IL21R: variants seen among roughly 807,000 people sequenced by gnomAD.
IL21R encodes interleukin-21 receptor.
In IL21R, 14 loss-of-function variants were observed where a neutral mutation model predicts 41.3. That is an observed-to-expected ratio of 0.34 (90% confidence interval 0.22 to 0.53). IL21R has a LOEUF of 0.53. Ranked by LOEUF, IL21R falls within the 20% of genes least tolerant of loss-of-function variation. The probability of loss-of-function intolerance (pLI) is 0.94; values close to 1 mark genes in which losing one functional copy is unlikely to be tolerated. For missense variants in IL21R, 588 were observed against 681.6 expected, an observed-to-expected ratio of 0.86 and a Z score of 1.53; for synonymous variants, 286 against 287.6, an observed-to-expected ratio of 0.99 and a Z score of 0.05.
chr16:27,440,248 T>TATATATATATATATATATAGAGAGAGAG (rs1352160946), intron 4 of IL21R, among the ~76,000 whole-genome samples: 1 of 64,026 alleles, frequency 1.6e-5, no homozygotes, highest in Admixed American at 1.8e-4. Context: ...TATATATATA[T>TATATATATATATATATATAGAGAGAGAG]AGAGAGAGAG....
chr16:27,422,681 G>T (rs1040971339), intron 1 of IL21R, among the ~76,000 whole-genome samples: 4 of 152,096 alleles, frequency 2.6e-5, no homozygotes, highest in Non-Finnish European at 4.4e-5. Context: ...ATTAATCATA[G>T]TTATTTTAAA....
At chr16:27,427,192 T>C in intron 1 of IL21R, 2 of 609,146 alleles carry the variant, frequency 3.3e-6, no homozygotes, top group Non-Finnish European at 4.1e-6. Flanking sequence ...GGTGTTTTGA[T>C]TGGCCAAGCC....
intron 1 of IL21R, among the ~76,000 whole-genome samples, chr16:27,405,658 C>T (rs542612172): frequency 2.5e-4 from 38 of 152,342 alleles, no homozygotes; most frequent in African/African-American, 7.9e-4. Context: ...CCCCCGGACA[C>T]GTGAAGGGGA....
At chr16:27,422,294 T>C (rs1026746268) in intron 1 of IL21R, among the ~76,000 whole-genome samples, 1 of 152,110 alleles carries the variant, frequency 6.6e-6, no homozygotes. Context: ...TTGTGGTTTG[T>C]AGAGCTATTT....
At chr16:27,436,465 G>T (rs1184773752) in intron 3 of IL21R, among the ~76,000 whole-genome samples, 1 of 152,190 alleles carries the variant, frequency 6.6e-6, no homozygotes, top group East Asian at 1.9e-4. Flanking sequence ...AGTTCAGGCT[G>T]GGAGGCTTGG....
At chr16:27,404,091 A>G (rs2086702600) in intron 1 of IL21R, among the ~76,000 whole-genome samples, 1 of 152,126 alleles carries the variant, frequency 6.6e-6, no homozygotes, top group African/African-American at 2.4e-5. Flanking sequence ...GCAGCATTGG[A>G]TGGGGATGGC....
Position 27,445,886 on chromosome 16 carries a change from G to A in IL21R, c.786-121G>A, listed in dbSNP as rs61027444. On this transcript the variant is annotated intron_variant, in intron 7 of 8. Transcript: ENST00000337929. ...CCAAGCCCCAGGGAAGGAGGGAGGC[G>A]CCTGGGCTGAGTCTTGGGATGCTCG... 2.0e-3 allele frequency: 1,304 copies of A among 637,240 alleles called. 3 individuals are homozygous for A. The highest frequency in any genetic ancestry group is 9.2e-3 in the African/African-American group (488 of 53,230). 39.5% of individuals were successfully genotyped at this position (637,240 alleles called of 1,614,324 possible). A position where few individuals can be genotyped will look rare whatever the true frequency, so the allele number is the denominator to read the frequency against.
intron 1 of IL21R, chr16:27,427,286 T>G (rs1298378293): frequency 1.0e-6 from 1 of 985,408 alleles, no homozygotes; most frequent in Non-Finnish European, 1.2e-6. Context: ...GAGGAGCTCT[T>G]TGGGAAGAGA....
chr16:27,437,783 C>T (rs1225525122), intron 4 of IL21R, 96 bp downstream of exon 4: 1 of 964,374 alleles, frequency 1.0e-6, no homozygotes, highest in Non-Finnish European at 1.6e-6. Context: ...CCACCTCAGC[C>T]TCCCGTGTAG....
chr16:27,418,622 G>A (rs772289424), intron 1 of IL21R, among the ~76,000 whole-genome samples: 22 of 152,036 alleles, frequency 1.4e-4, no homozygotes, highest in Non-Finnish European at 2.9e-4. Context: ...TGCCCGCCTT[G>A]GCCTCCCAAA....
intron 4 of IL21R, among the ~76,000 whole-genome samples, chr16:27,441,063 A>AAAAG (rs2087380299): frequency 1.3e-5 from 2 of 150,762 alleles, no homozygotes; most frequent in African/African-American, 2.4e-5. Context: ...AAAAAAAAAA[A>AAAAG]AAAGAAAGAA....
chr16:27,431,432 G>A (rs1299244567), intron 2 of IL21R, among the ~76,000 whole-genome samples: 2 of 152,212 alleles, frequency 1.3e-5, no homozygotes, highest in African/African-American at 4.8e-5. Flanking sequence ...AGGAGGCTCA[G>A]AGAGGCTAAG....
chr16:27,428,076 C>A (rs2087107433), intron 1 of IL21R, among the ~76,000 whole-genome samples: 2 of 152,202 alleles, frequency 1.3e-5, no homozygotes, highest in Admixed American at 6.5e-5. Context: ...TTGGCTAGAT[C>A]ATTCTGAGAC....
chr16:27,405,409 G>C (rs777592099), intron 1 of IL21R, among the ~76,000 whole-genome samples: 2 of 152,234 alleles, frequency 1.3e-5, no homozygotes, highest in South Asian at 4.1e-4. Flanking sequence ...AAATATTATT[G>C]GTCATATTGG....
intron 7 of IL21R, 74 bp from the exon 8 acceptor site, chr16:27,445,933 T>C (rs1271229705): frequency 2.3e-5 from 27 of 1,177,608 alleles, no homozygotes; most frequent in Admixed American, 4.0e-5. Context: ...AGGATGAAGC[T>C]GGGGAGCGTC....
intron 1 of IL21R, among the ~76,000 whole-genome samples, chr16:27,418,552 A>T (rs531289843): frequency 4.3e-4 from 66 of 151,736 alleles, no homozygotes; most frequent in East Asian, 1.6e-3. Flanking sequence ...TGGTATTTTT[A>T]GTAGAGACGG....
At position 27,448,628 on chromosome 16, in the gene IL21R, C is replaced by A. The variant is rs747607462; in HGVS notation, c.962C>A (p.Pro321Gln). ...PSTLEVYSCH[P>Q]PRSPAKRLQL... ...ACCCTGGAGGTGTACAGCTGCCACC[C>A]ACCACGGAGCCCGGCCAAGAGGCTG... Residue 321 changes from proline (P) to glutamine (Q), a missense_variant, in exon 9 of 9, where the codon CCA (proline) becomes CAA (glutamine). By Grantham distance (76) the Pro-to-Gln change is moderately conservative (BLOSUM62 -1). Transcript: ENST00000337929. The A allele has an allele frequency of 5.0e-6, 8 of 1,613,198 alleles. No individual in the cohort carries two copies. The East Asian group carries it at 1.1e-4, about 22-fold the overall frequency.
chr16:27,417,392 C>T (rs749014748), intron 1 of IL21R, among the ~76,000 whole-genome samples: 3 of 152,160 alleles, frequency 2.0e-5, no homozygotes, highest in Non-Finnish European at 2.9e-5. Context: ...GTCTCAAACT[C>T]CTGGGCTCAA....
intron 8 of IL21R, chr16:27,448,128 C>T (rs2087516391): frequency 1.2e-5 from 2 of 171,306 alleles, no homozygotes; most frequent in Admixed American, 1.1e-4. Flanking sequence ...TTTGTCTTGT[C>T]TCTGTGTCTG....
Sources: allele counts gnomAD v4.1 joint callset (sites outside exome capture counted in the v4.1 genomes callset), GRCh38; gene constraint gnomAD v4.1.1; transcripts MANE v1.5; gene names NCBI Gene and HGNC (gene_info 2026-07-23, HGNC 2026-07-21).